The following UROC1 variants were observed in gnomAD, a reference collection of about 807,000 sequenced individuals.
UROC1 encodes urocanate hydratase 1.
Under a neutral mutation model 89.5 loss-of-function variants are expected in UROC1, and 79 were observed. The observed-to-expected ratio is 0.88, with a 90% CI of 0.74 to 1.06. The LOEUF is 1.06. UROC1 is among the 50% of genes least tolerant of loss of function. The pLI, the probability that UROC1 is intolerant of heterozygous loss-of-function variation, is 0.00. For missense variants in UROC1, 885 were observed against 907.8 expected, an observed-to-expected ratio of 0.97 and a Z score of 0.32; for synonymous variants, 361 against 354.8, an observed-to-expected ratio of 1.02 and a Z score of -0.20.
At chr3:126,488,003 A>C (rs1560115821) in intron 18 of UROC1, among the ~76,000 whole-genome samples, 195 bp downstream of exon 18, 5 of 152,172 alleles carry the variant, frequency 3.3e-5, no homozygotes, top group African/African-American at 1.2e-4. Flanking sequence ...TGGGGTGGCT[A>C]ATGCAAGTCC....
At position 126,482,055 on chromosome 3, in the gene UROC1, G is replaced by C. The variant is rs529330043; in HGVS notation, c.*290C>G. 3.8e-5 allele frequency: 18 copies of C among 473,914 alleles called. No homozygotes were observed. The highest frequency in any genetic ancestry group is 3.1e-5 in the Non-Finnish European group (8 of 259,068). The allele number at this position is 473,914 out of a possible 1,614,324, so 29.4% of individuals were successfully genotyped here. A position where few individuals can be genotyped will look rare whatever the true frequency, so the allele number is the denominator to read the frequency against. ...GGAGAGAGCTTGACCAGTGTTCACC[G>C]CAGGGCCCCCGGGCAGGCTTGGGAC... On this transcript the variant is annotated 3_prime_UTR_variant, in exon 20 of 20. Transcript: ENST00000290868.
intron 15 of UROC1, among the ~76,000 whole-genome samples, chr3:126,495,057 A>G (rs965102729): frequency 6.6e-6 from 1 of 152,198 alleles, no homozygotes; most frequent in Non-Finnish European, 1.5e-5. Context: ...TCTCAGGCCC[A>G]GGCAGCCTGG....
Position 126,499,373 on chromosome 3 carries a change from T to C in UROC1, c.1280A>G (p.Glu427Gly). 1 of 1,612,504 alleles carries C rather than the reference T, an allele frequency of 6.2e-7. No individual in the cohort carries two copies. Among genetic ancestry groups the C allele is most frequent in the East Asian group, 2.2e-5 (1 of 44,842 alleles). Reference sequence around the variant, plus strand: ...CTGCACATAGGAAGGGTAGCGGAACTCTGTCCTGCCAGCACCTTTCTTCTC... The same window carrying C: ...CTGCACATAGGAAGGGTAGCGGAACCCTGTCCTGCCAGCACCTTTCTTCTC... Reference protein sequence around the residue: ...DVEKKGAGRTEFRYPSYVQHI... With the variant: ...DVEKKGAGRTGFRYPSYVQHI... Residue 427 changes from glutamate (E) to glycine (G), a missense_variant, in exon 13 of 20, where the codon GAG (glutamate) becomes GGG (glycine). By Grantham distance (98) the Glu-to-Gly change is moderately conservative (BLOSUM62 -2). Transcript: ENST00000290868.
chr3:126,483,230 G>A, intron 19 of UROC1, 139 bp downstream of exon 19: 2 of 769,948 alleles, frequency 2.6e-6, no homozygotes, highest in Non-Finnish European at 4.5e-6. Context: ...CCCCCTTCCT[G>A]GCTGCTGTGC....
intron 1 of UROC1, among the ~76,000 whole-genome samples, chr3:126,513,539 G>A (rs1223253635): frequency 6.6e-6 from 1 of 152,194 alleles, no homozygotes; most frequent in Non-Finnish European, 1.5e-5. Context: ...GCACATTGCC[G>A]CTCTCTGACT....
At chr3:126,502,751 T>A (rs994511117) in intron 9 of UROC1, among the ~76,000 whole-genome samples, 2 of 106,148 alleles carry the variant, frequency 1.9e-5, no homozygotes, top group East Asian at 2.8e-4. Context: ...CATGCATGTG[T>A]ATGTTGTGTG....
At chr3:126,507,291 GA>G (rs1027864860) in intron 6 of UROC1, among the ~76,000 whole-genome samples, 58 of 140,688 alleles carry the variant, frequency 4.1e-4, no homozygotes, top group African/African-American at 1.4e-3. Context: ...CACCTCAAAA[GA>G]AAAAAAACAT....
intron 2 of UROC1, 25 bp from the exon 3 acceptor site, chr3:126,509,703 G>A: frequency 6.5e-7 from 1 of 1,548,306 alleles, no homozygotes; most frequent in African/African-American, 1.4e-5. Flanking sequence ...CCAACCACCA[G>A]GCTGCCCTTC....
In UROC1 at chr3:126,517,462, T is replaced by C; in HGVS notation, c.126+132A>G. The C allele has an allele frequency of 3.6e-6, 5 of 1,397,544 alleles. No homozygotes were observed. The South Asian group carries it at 4.8e-5, about 13-fold the overall frequency. The allele number at this position is 1,397,544 out of a possible 1,614,324, so 86.6% of individuals were successfully genotyped here. A position where few individuals can be genotyped will look rare whatever the true frequency, so the allele number is the denominator to read the frequency against. On this transcript the variant is annotated intron_variant, in intron 1 of 19. Coordinates refer to ENST00000290868, the MANE Select transcript of UROC1 (RefSeq NM_144639.3). ...CACTGTGCATTGCACCCGCACAGGC[T>C]GGAGCCCCTGGAGTCCAGGGTGGGC...
chr3:126,513,135 G>GGTGTGTGTGTGT (rs56301013), intron 1 of UROC1, among the ~76,000 whole-genome samples: 44 of 147,798 alleles, frequency 3.0e-4, no homozygotes, highest in African/African-American at 7.2e-4. Flanking sequence ...CACAGAGCAG[G>GGTGTGTGTGTGT]GTGTGTGTGT....
chr3:126,517,347 C>T (rs1456274406), intron 1 of UROC1, among the ~76,000 whole-genome samples: 6 of 152,314 alleles, frequency 3.9e-5, no homozygotes, highest in East Asian at 3.9e-4. Context: ...CACCAGTGAC[C>T]GGCTGCTGAC....
chr3:126,517,216 CA>C (rs1005586470), intron 1 of UROC1, among the ~76,000 whole-genome samples: 1 of 152,164 alleles, frequency 6.6e-6, no homozygotes, highest in African/African-American at 2.4e-5. Context: ...GGGACATTTG[CA>C]AATGAAAATA....
intron 15 of UROC1, among the ~76,000 whole-genome samples, chr3:126,492,790 T>C (rs1029357662): frequency 6.6e-6 from 1 of 152,086 alleles, no homozygotes; most frequent in African/African-American, 2.4e-5. Flanking sequence ...TCCCAGATTA[T>C]CCCCAGAGGG....
chr3:126,512,034 C>T (rs1269501508), intron 1 of UROC1, among the ~76,000 whole-genome samples: 1 of 152,194 alleles, frequency 6.6e-6, no homozygotes, highest in African/African-American at 2.4e-5. Context: ...TCTAGAGTTA[C>T]CTAACAGGCA....
At chr3:126,500,945 G>C in intron 10 of UROC1, 71 bp from the exon 11 acceptor site, 1 of 1,579,186 alleles carries the variant, frequency 6.3e-7, no homozygotes, top group Non-Finnish European at 8.6e-7. Context: ...CCAGCCAGGT[G>C]GGGACCCTAG....
intron 15 of UROC1, among the ~76,000 whole-genome samples, 172 bp downstream of exon 15, chr3:126,495,866 G>T (rs566327739): frequency 6.6e-6 from 1 of 152,178 alleles, no homozygotes; most frequent in Non-Finnish European, 1.5e-5. Context: ...TCCCAGTGTG[G>T]CCACCATGGG....
At chr3:126,491,530 C>A (rs1302945662) in intron 16 of UROC1, among the ~76,000 whole-genome samples, 1 of 152,238 alleles carries the variant, frequency 6.6e-6, no homozygotes, top group Non-Finnish European at 1.5e-5. Flanking sequence ...TTTGGCTGTG[C>A]CCTAGCAGGG....
At chr3:126,501,773 C>T (rs1935927928) in intron 9 of UROC1, 1 of 1,596,956 alleles carries the variant, frequency 6.3e-7, no homozygotes, top group Non-Finnish European at 8.5e-7. Flanking sequence ...TGGTATGGTC[C>T]CCATGAAAGA....
At chr3:126,495,819 G>A (rs1201971251) in intron 15 of UROC1, among the ~76,000 whole-genome samples, 1 of 152,186 alleles carries the variant, frequency 6.6e-6, no homozygotes, top group African/African-American at 2.4e-5. Flanking sequence ...AAAGGTCCCC[G>A]GCTTCTTTCT....
Sources: gnomAD v4.1 joint callset for allele counts (sites outside exome capture counted in the v4.1 genomes callset) on GRCh38, gnomAD v4.1.1 for gene constraint, MANE v1.5 for transcripts, NCBI Gene and HGNC (gene_info 2026-07-23, HGNC 2026-07-21) for gene names.